ACSL3: variants seen among roughly 807,000 people sequenced by gnomAD.
ACSL3 encodes acyl-CoA synthetase long chain family member 3, also known as fatty acid CoA ligase Acsl3.
ACSL3 carries 34 observed loss-of-function variants against 84.7 expected under a neutral mutation model. The observed-to-expected ratio is 0.40, with a 90% CI of 0.31 to 0.53. ACSL3 has a LOEUF of 0.53. ACSL3 is among the 20% of genes least tolerant of loss of function. ACSL3 has a pLI of 0.48. For synonymous variants in ACSL3, 315 were observed against 299.4 expected (o/e 1.05, Z -0.54); for missense variants, 680 against 873.1 (o/e 0.78, Z 2.79).
In ACSL3 at chr2:222,930,842, A is replaced by G. The variant is rs543757394; in HGVS notation, c.1732+30A>G. ...GTCATCTAATATTTTTTTGAAAATGAATGTTTCTGAAATAGTTTACACAAG... is the reference window on the plus strand; with the variant it reads ...GTCATCTAATATTTTTTTGAAAATGGATGTTTCTGAAATAGTTTACACAAG... On this transcript the variant is annotated intron_variant, in intron 14 of 16. Coordinates refer to ENST00000357430, the MANE Select transcript of ACSL3 (RefSeq NM_004457.5). 7 of 1,556,606 alleles carry G rather than the reference A, an allele frequency of 4.5e-6. No homozygotes were observed. In the African/African-American group the frequency reaches 9.6e-5, roughly 21 times the overall value.
chr2:222,923,332 T>C (rs574085534), intron 10 of ACSL3, among the ~76,000 whole-genome samples, 183 bp downstream of exon 10: 39 of 152,370 alleles, frequency 2.6e-4, no homozygotes, highest in Middle Eastern at 6.8e-3. Context: ...TGCTTTCTTA[T>C]TTACTAAGCA....
chr2:222,919,290 C>G (rs772411586), intron 7 of ACSL3, 88 bp downstream of exon 7: 3 of 1,481,594 alleles, frequency 2.0e-6, no homozygotes, highest in Non-Finnish European at 2.7e-6. Context: ...CTGAGGTTAG[C>G]TCAAATGACA....
rs1695759335 is a variant in ACSL3 at position 222,887,831 on chromosome 2, T to G, written c.-205T>G. 6.6e-6 allele frequency: 1 copy of G among 152,310 alleles called. No individual in the cohort carries two copies. The highest frequency in any genetic ancestry group is 1.9e-4 in the East Asian group (1 of 5,192). The allele number at this position is 152,310 out of a possible 1,614,324, so 9.4% of individuals were successfully genotyped here. ...TCTTTTTTATGTTTGTTTTGACAGG[T>G]TTTGACACAAGGGCGCATATCTTCA... On this transcript the variant is annotated splice_region_variant and 5_prime_UTR_variant, in exon 2 of 17. Coordinates refer to ENST00000357430, the MANE Select transcript of ACSL3 (RefSeq NM_004457.5).
intron 4 of ACSL3, among the ~76,000 whole-genome samples, chr2:222,914,234 CGTGTGTGTGTGTGTGTGT>C (rs57546680): frequency 0.013 from 1,852 of 140,264 alleles, 47 homozygotes; most frequent in African/African-American, 0.047. Context: ...TGTGTGTGTA[CGTGTGTGTGTGTGTGTGT>C]GTGTGTGTGT....
chr2:222,916,252 A>G (rs986094052), intron 4 of ACSL3, 67 bp from the exon 5 acceptor site: 5 of 1,073,934 alleles, frequency 4.7e-6, no homozygotes. Context: ...CATTTGGACG[A>G]TATTCTGGTT....
intron 14 of ACSL3, 99 bp downstream of exon 14, chr2:222,930,911 T>C: frequency 9.1e-7 from 1 of 1,093,070 alleles, no homozygotes; most frequent in East Asian, 2.5e-5. Context: ...TATAAATCTT[T>C]ATGTAATCTT....
chr2:222,918,782 C>G (rs574551818), intron 6 of ACSL3, among the ~76,000 whole-genome samples: 8 of 151,668 alleles, frequency 5.3e-5, no homozygotes, highest in Non-Finnish European at 1.2e-4. Context: ...TTTAGGCAAC[C>G]TGTGTTTACA....
intron 1 of ACSL3, among the ~76,000 whole-genome samples, chr2:222,878,661 C>T (rs565612073): frequency 2.8e-4 from 43 of 152,296 alleles, no homozygotes; most frequent in African/African-American, 1.0e-3. Flanking sequence ...AGCCCCAGCC[C>T]TGTATTTCTA....
intron 8 of ACSL3, 31 bp from the exon 9 acceptor site, chr2:222,922,677 T>C (rs1241473032): frequency 5.0e-6 from 8 of 1,612,822 alleles, no homozygotes; most frequent in Non-Finnish European, 6.8e-6. Context: ...GACACCTGAC[T>C]TTTGTTTCTG....
intron 14 of ACSL3, among the ~76,000 whole-genome samples, chr2:222,931,273 T>C (rs1174615211): frequency 6.6e-6 from 1 of 151,936 alleles, no homozygotes; most frequent in Non-Finnish European, 1.5e-5. Flanking sequence ...CCGTGTGTGG[T>C]GTCTTTGTCG....
rs1198380992 is a variant in ACSL3 at position 222,919,260 on chromosome 2, A to AT, written c.805+60dup. 1.5e-5 allele frequency: 23 copies of AT among 1,577,844 alleles called. No homozygotes were observed. In the Admixed American group the frequency reaches 3.3e-4, roughly 23 times the overall value. On this transcript the variant is annotated intron_variant, in intron 7 of 16. Transcript: ENST00000357430. ...CTTTCTGGTGACCACATTCTCCAGA[A>AT]TTATGCCAAAGTTTTGATTCTGAGG...
intron 16 of ACSL3, among the ~76,000 whole-genome samples, chr2:222,937,720 A>G (rs147880670): frequency 2.4e-4 from 36 of 152,222 alleles, no homozygotes; most frequent in African/African-American, 8.4e-4. Flanking sequence ...TGGATGGCAT[A>G]TACTTGAGTC....
chr2:222,899,515 T>G (rs929122297), intron 2 of ACSL3, among the ~76,000 whole-genome samples: 1 of 152,000 alleles, frequency 6.6e-6, no homozygotes, highest in East Asian at 1.9e-4. Context: ...AGAAAGATAA[T>G]GTTACAGGAC....
rs1179053047 is a variant in ACSL3, at chr2:222,879,241, C to G, written c.-206-8589C>G. 1.1e-4 allele frequency among the ~76,000 whole-genome samples: 16 copies of G among 152,138 alleles called. 1 individual carries two copies. The highest frequency in any genetic ancestry group is 9.8e-4 in the Admixed American group (15 of 15,262). ...GCTGAGGCAGGAGAATTGCTGGAAC[C>G]CAGGAGGTGGAGATTGCAGTGAGCC... is the stretch of plus-strand genomic sequence containing the variant. On this transcript the variant is annotated intron_variant, in intron 1 of 16. Transcript: ENST00000357430.
chr2:222,905,695 T>A (rs1696274985), intron 3 of ACSL3, among the ~76,000 whole-genome samples: 1 of 152,194 alleles, frequency 6.6e-6, no homozygotes, highest in Non-Finnish European at 1.5e-5. Context: ...AGTCTTTGGA[T>A]TACTACACAA....
chr2:222,915,050 C>G (rs1028467986), intron 4 of ACSL3, among the ~76,000 whole-genome samples: 1 of 152,154 alleles, frequency 6.6e-6, no homozygotes. Context: ...ATTTATAAAT[C>G]CTGTCACTTA....
rs1162040979 is a variant in ACSL3, at chr2:222,941,855, G to A, written c.*201G>A. ...GTCTGTCTCTTCTTTCATTTTCCCC[G>A]CCACCAACTTACTTTACCACCTATG... On this transcript the variant is annotated 3_prime_UTR_variant, in exon 17 of 17. Transcript: ENST00000357430. 5.9e-6 allele frequency: 3 copies of A among 510,084 alleles called. No individual in the cohort carries two copies. The highest frequency in any genetic ancestry group is 3.9e-5 in the Admixed American group (1 of 25,936). The allele number at this position is 510,084 out of a possible 1,614,324, so 31.6% of individuals were successfully genotyped here.
chr2:222,875,400 G>T (rs139586325), intron 1 of ACSL3, among the ~76,000 whole-genome samples: 1 of 152,110 alleles, frequency 6.6e-6, no homozygotes, highest in Admixed American at 6.5e-5. Context: ...TTCAGATCAG[G>T]ATAATAATGA....
In ACSL3 at chr2:222,908,811, G is replaced by T; in HGVS notation, c.39G>T (p.Lys13Asn). 1 of 1,606,156 alleles carries T rather than the reference G, an allele frequency of 6.2e-7. No homozygotes were observed. The highest frequency in any genetic ancestry group is 8.5e-7 in the Non-Finnish European group (1 of 1,177,494). The change falls in exon 4 of 17, where the codon AAG (lysine) becomes AAT (asparagine). Residue 13 changes from lysine (K) to asparagine (N), a missense_variant. By Grantham distance (94) the Lys-to-Asn change is moderately conservative (BLOSUM62 0). This residue lies in a region of ACSL3 where 333 missense variants were observed against 347.5 expected (regional missense o/e 0.96). Transcript: ENST00000357430. ...NHVSSKPSTM[K>N]LKHTINPILL... ...TGTCTTCAAAACCATCTACCATGAA[G>T]CTAAAACATACCATCAACCCTATTC...
Sources: gnomAD v4.1 joint callset for allele counts (sites outside exome capture counted in the v4.1 genomes callset) on GRCh38, gnomAD v4.1.1 for gene constraint, gnomAD v4.1.1 regional missense constraint, MANE v1.5 for transcripts, NCBI Gene and HGNC (gene_info 2026-07-23, HGNC 2026-07-21) for gene names.